AGBL4: variants seen among roughly 807,000 people sequenced by gnomAD.
AGBL4 encodes AGBL carboxypeptidase 4, also known as cytosolic carboxypeptidase 6.
AGBL4 carries 58 observed loss-of-function variants against 66.4 expected under a neutral mutation model. That is an observed-to-expected ratio of 0.87 (90% CI 0.71 to 1.09). AGBL4 has a LOEUF of 1.09. Among genes scored for constraint, AGBL4 ranks in the 50% least tolerant of loss-of-function variants. AGBL4 has a pLI of 0.00. For synonymous variants in AGBL4, 234 were observed against 222.9 expected (o/e 1.05, Z -0.44); for missense variants, 579 against 631.0 (o/e 0.92, Z 0.88).
intron 3 of AGBL4, among the ~76,000 whole-genome samples, chr1:49,323,012 T>G (rs1299070836): frequency 6.6e-6 from 1 of 152,230 alleles, no homozygotes; most frequent in Non-Finnish European, 1.5e-5. Flanking sequence ...AAATGAATTT[T>G]TAACTTGGAT....
intron 3 of AGBL4, among the ~76,000 whole-genome samples, chr1:49,509,809 A>G (rs1292023411): frequency 1.3e-5 from 2 of 151,954 alleles, no homozygotes; most frequent in Non-Finnish European, 2.9e-5. Flanking sequence ...AGGGGTAACA[A>G]TATTACCTCC....
At chr1:49,150,711 AT>A (rs1051779346) in intron 4 of AGBL4, among the ~76,000 whole-genome samples, 16 of 152,240 alleles carry the variant, frequency 1.1e-4, no homozygotes, top group Admixed American at 6.5e-5. Context: ...TATCTTTGAG[AT>A]TCCATCAGCA....
chr1:49,002,209 T>C (rs1387145742), intron 5 of AGBL4, among the ~76,000 whole-genome samples: 1 of 152,208 alleles, frequency 6.6e-6, no homozygotes, highest in Admixed American at 6.5e-5. Flanking sequence ...AAACACTGAC[T>C]GAGAAATAAC....
intron 3 of AGBL4, among the ~76,000 whole-genome samples, chr1:49,259,942 A>G (rs1652955235): frequency 6.6e-6 from 1 of 151,824 alleles, no homozygotes; most frequent in Admixed American, 6.6e-5. Context: ...AAGAACAGAG[A>G]TTATAACAAA....
chr1:48,678,825 C>T (rs1646409749), intron 6 of AGBL4, among the ~76,000 whole-genome samples: 1 of 152,204 alleles, frequency 6.6e-6, no homozygotes, highest in Non-Finnish European at 1.5e-5. Context: ...GAGTTCCAGA[C>T]AGCAATTTGC....
intron 6 of AGBL4, among the ~76,000 whole-genome samples, chr1:48,817,183 C>A (rs1646200206): frequency 6.6e-6 from 1 of 152,162 alleles, no homozygotes; most frequent in African/African-American, 2.4e-5. Context: ...CAACGTATGA[C>A]ATTTTGAATG....
At chr1:49,020,816 C>T (rs1663188544) in intron 5 of AGBL4, among the ~76,000 whole-genome samples, 1 of 152,102 alleles carries the variant, frequency 6.6e-6, no homozygotes, top group African/African-American at 2.4e-5. Flanking sequence ...AACAGAAAAT[C>T]CTAAAATACA....
chr1:49,365,859 T>C (rs1644232267), intron 3 of AGBL4, among the ~76,000 whole-genome samples: 1 of 152,128 alleles, frequency 6.6e-6, no homozygotes. Flanking sequence ...TACTAGGTAG[T>C]AGACAATTAG....
intron 3 of AGBL4, among the ~76,000 whole-genome samples, chr1:49,602,906 C>T (rs1158221946): frequency 6.6e-6 from 1 of 151,964 alleles, no homozygotes; most frequent in East Asian, 1.9e-4. Context: ...TAACTTTTTA[C>T]TGAGTACCAA....
chr1:49,285,748 C>A (rs982256197), intron 3 of AGBL4, among the ~76,000 whole-genome samples: 4 of 152,102 alleles, frequency 2.6e-5, no homozygotes, highest in Admixed American at 1.3e-4. Flanking sequence ...AACACCTCTA[C>A]GCAAATAAAC....
At chr1:49,514,711 A>G (rs1394848248) in intron 3 of AGBL4, among the ~76,000 whole-genome samples, 1 of 152,104 alleles carries the variant, frequency 6.6e-6, no homozygotes, top group African/African-American at 2.4e-5. Context: ...GGAACACAAC[A>G]GAGCCCTCAG....
At position 49,971,907 on chromosome 1, in the gene AGBL4, G is replaced by GT. The variant is rs745772850; in HGVS notation, c.34+51855dup. Among the ~76,000 whole-genome samples, 73 of 23,438 alleles carry GT rather than the reference G, an allele frequency of 3.1e-3. 1 individual carries two copies. The highest frequency in any genetic ancestry group is 9.1e-3 in the African/African-American group (68 of 7,436). The allele number at this position is 23,438 out of a possible 152,430, so 15.4% of individuals were successfully genotyped here. A position where few individuals can be genotyped will look rare whatever the true frequency, so the allele number is the denominator to read the frequency against. On this transcript the variant is annotated intron_variant, in intron 1 of 13. Coordinates refer to ENST00000371839, the MANE Select transcript of AGBL4 (RefSeq NM_032785.4). ...AAGTACAAGTGCAGGGTTTTTTTGG[G>GT]TTTTTTTTTTTTTTTTTTTTTTTTT...
intron 4 of AGBL4, among the ~76,000 whole-genome samples, chr1:49,205,367 T>C (rs1648048549): frequency 6.6e-6 from 1 of 152,102 alleles, no homozygotes; most frequent in Non-Finnish European, 1.5e-5. Context: ...CTGCTATTGA[T>C]TCTCACTTAA....
intron 6 of AGBL4, among the ~76,000 whole-genome samples, chr1:48,782,670 T>C (rs761117246): frequency 1.3e-5 from 2 of 152,186 alleles, no homozygotes; most frequent in African/African-American, 2.4e-5. Context: ...GAAATTGCCT[T>C]CATACCTCCT....
chr1:49,877,958 T>C (rs1647073025), intron 1 of AGBL4, among the ~76,000 whole-genome samples: 1 of 152,150 alleles, frequency 6.6e-6, no homozygotes, highest in Non-Finnish European at 1.5e-5. Flanking sequence ...GAGGTGTTTG[T>C]AGTATTCTCT....
chr1:49,470,202 A>G (rs1250207305), intron 3 of AGBL4, among the ~76,000 whole-genome samples: 2 of 151,996 alleles, frequency 1.3e-5, no homozygotes, highest in African/African-American at 4.8e-5. Context: ...TAATCAGGAA[A>G]TTTTGTCTTA....
chr1:49,467,441 T>A (rs892388900), intron 3 of AGBL4, among the ~76,000 whole-genome samples: 5 of 151,806 alleles, frequency 3.3e-5, no homozygotes, highest in Non-Finnish European at 7.4e-5. Context: ...GGTAAGTCCC[T>A]TTCTCTTTAG....
At chr1:49,190,263 A>G (rs1250964761) in intron 4 of AGBL4, among the ~76,000 whole-genome samples, 1 of 152,200 alleles carries the variant, frequency 6.6e-6, no homozygotes, top group African/African-American at 2.4e-5. Flanking sequence ...AATGCTGCCT[A>G]TTGAAATGCA....
intron 4 of AGBL4, chr1:49,048,512 T>C (rs1277644685): frequency 1.3e-5 from 2 of 152,090 alleles, no homozygotes; most frequent in Non-Finnish European, 2.9e-5. Flanking sequence ...GGGCTTAGAT[T>C]TTCTAGACTT....
Sources: allele counts gnomAD v4.1 joint callset (sites outside exome capture counted in the v4.1 genomes callset), GRCh38; gene constraint gnomAD v4.1.1; transcripts MANE v1.5; gene names NCBI Gene and HGNC (gene_info 2026-07-23, HGNC 2026-07-21).